The following EDA2R variants were observed in gnomAD, a reference collection of about 807,000 sequenced individuals.
The protein encoded by EDA2R is ectodysplasin A2 receptor.
A neutral mutation model predicts 20.1 loss-of-function variants in EDA2R; 26 were observed. That is an observed-to-expected ratio of 1.30 (90% CI 0.95 to 1.80). The LOEUF is 1.80. Among genes scored for constraint, EDA2R ranks in the 40% most tolerant of loss-of-function variants. EDA2R has a pLI of 0.00. For synonymous variants in EDA2R, 114 were observed against 88.7 expected (o/e 1.29, Z -1.60); for missense variants, 277 against 228.7 (o/e 1.21, Z -1.36).
At chrX:66,625,026 A>T (rs918981279) in intron 1 of EDA2R, among the ~76,000 whole-genome samples, 2 of 111,694 alleles carry the variant, frequency 1.8e-5, no homozygotes, top group Admixed American at 1.9e-4. Flanking sequence ...AAGCCCCGGG[A>T]GTTTGCTGGG....
At chrX:66,617,520 G>A (rs1232644689) in intron 1 of EDA2R, among the ~76,000 whole-genome samples, 1 of 111,632 alleles carries the variant, frequency 9.0e-6, no homozygotes, top group Non-Finnish European at 1.9e-5. Flanking sequence ...CCAGGAAACT[G>A]CTCTGGACAA....
chrX:66,609,670 T>G (rs1288465949), intron 2 of EDA2R, among the ~76,000 whole-genome samples: 1 of 111,901 alleles, frequency 8.9e-6, no homozygotes, highest in Non-Finnish European at 1.9e-5. Flanking sequence ...CGATGTGACC[T>G]TGGGCAAGTC....
chrX:66,635,800 A>C (rs755937440), intron 1 of EDA2R, among the ~76,000 whole-genome samples: 1 of 112,510 alleles, frequency 8.9e-6, no homozygotes, highest in Non-Finnish European at 1.9e-5. Context: ...CCACCTGTAT[A>C]ATATATATAA....
In EDA2R at chrX:66,596,920, C is replaced by T. The variant is rs1302004924; in HGVS notation, c.*1184G>A. On this transcript the variant is annotated 3_prime_UTR_variant, in exon 7 of 7. Transcript: ENST00000374719. ...TACAATGGGACCTTTTTGCTTTTTCCCAAGTCCTTTTAGTAATCTGATCAA... is the reference window on the plus strand; with the variant it reads ...TACAATGGGACCTTTTTGCTTTTTCTCAAGTCCTTTTAGTAATCTGATCAA... The T allele has an allele frequency of 8.9e-6, 1 of 112,257 alleles. No individual in the cohort carries two copies. The highest frequency in any genetic ancestry group is 3.2e-5 in the African/African-American group (1 of 30,909). 9.3% of individuals were successfully genotyped at this position (112,257 alleles called of 1,213,427 possible).
At chrX:66,638,092 T>C (rs1934520582) in intron 1 of EDA2R, among the ~76,000 whole-genome samples, 1 of 112,456 alleles carries the variant, frequency 8.9e-6, no homozygotes, top group South Asian at 3.7e-4. Context: ...TCTTGTGTTA[T>C]ATTAATATTT....
chrX:66,617,253 C>T (rs931481103), intron 1 of EDA2R, among the ~76,000 whole-genome samples: 2 of 112,131 alleles, frequency 1.8e-5, no homozygotes, highest in South Asian at 3.7e-4. Context: ...AATGGCATTC[C>T]ATAAGTGCAC....
chrX:66,621,084 C>T (rs951020509), intron 1 of EDA2R, among the ~76,000 whole-genome samples: 1 of 110,497 alleles, frequency 9.1e-6, no homozygotes, highest in Middle Eastern at 4.2e-3. Flanking sequence ...CAAGACTAGC[C>T]TGGCCAATAT....
intron 2 of EDA2R, among the ~76,000 whole-genome samples, chrX:66,610,270 CAA>C (rs1491360021): frequency 2.0e-4 from 16 of 80,649 alleles, no homozygotes; most frequent in African/African-American, 7.1e-4. Context: ...ACCAGATACA[CAA>C]ACACACACAC....
chrX:66,631,378 T>C (rs1358754862), intron 1 of EDA2R, among the ~76,000 whole-genome samples: 1 of 110,888 alleles, frequency 9.0e-6, no homozygotes, highest in Non-Finnish European at 1.9e-5. Flanking sequence ...AATTAATAGA[T>C]TAAAAAATAC....
intron 1 of EDA2R, among the ~76,000 whole-genome samples, chrX:66,617,782 G>A (rs920040798): frequency 5.4e-5 from 6 of 110,549 alleles, no homozygotes; most frequent in Non-Finnish European, 7.6e-5. Context: ...AGGCAAGGCA[G>A]GCTTGGTGCC....
At chrX:66,630,852 A>AC (rs758748441) in intron 1 of EDA2R, among the ~76,000 whole-genome samples, 42 of 72,538 alleles carry the variant, frequency 5.8e-4, no homozygotes, top group African/African-American at 1.3e-3. Context: ...CACACACACA[A>AC]ACACACGTAT....
intron 1 of EDA2R, among the ~76,000 whole-genome samples, chrX:66,638,779 C>G (rs1340074455): frequency 9.0e-6 from 1 of 111,222 alleles, no homozygotes; most frequent in African/African-American, 3.3e-5. Flanking sequence ...AATGGCTCGC[C>G]AAGATCCTAG....
At chrX:66,600,136 A>G (rs1382496052) in intron 5 of EDA2R, 24 of 1,024,386 alleles carry the variant, frequency 2.3e-5, no homozygotes, top group Non-Finnish European at 3.2e-5. Context: ...GGATTTTGAT[A>G]CCATCTCCCT....
At chrX:66,606,361 C>G (rs975692835) in intron 2 of EDA2R, among the ~76,000 whole-genome samples, 1 of 111,854 alleles carries the variant, frequency 8.9e-6, no homozygotes, top group Non-Finnish European at 1.9e-5. Flanking sequence ...ATATTGTTTG[C>G]CATTCCCAGG....
intron 1 of EDA2R, among the ~76,000 whole-genome samples, chrX:66,623,013 T>G (rs756180857): frequency 9.1e-4 from 102 of 112,198 alleles, no homozygotes; most frequent in African/African-American, 3.3e-3. Context: ...TTGGTTTGGC[T>G]AATCTCTTAG....
intron 4 of EDA2R, among the ~76,000 whole-genome samples, chrX:66,603,154 T>C (rs958465519): frequency 5.4e-5 from 6 of 111,594 alleles, no homozygotes; most frequent in Non-Finnish European, 9.4e-5. Context: ...TCTTACATTA[T>C]TATACAGCAC....
chrX:66,617,428 T>C (rs1388508042), intron 1 of EDA2R, among the ~76,000 whole-genome samples: 1 of 111,841 alleles, frequency 8.9e-6, no homozygotes, highest in East Asian at 2.8e-4. Context: ...CCCCTTGCCA[T>C]GCACTCTTCT....
rs1005526523 is a variant in EDA2R, at chrX:66,599,469, C to T, written c.*10+5G>A. The T allele has an allele frequency of 1.8e-6, 2 of 1,126,684 alleles. No individual in the cohort carries two copies. The highest frequency in any genetic ancestry group is 1.8e-5 in the African/African-American group (1 of 54,175). The allele number at this position is 1,126,684 out of a possible 1,213,427, so 92.9% of individuals were successfully genotyped here. A position where few individuals can be genotyped will look rare whatever the true frequency, so the allele number is the denominator to read the frequency against. On this transcript the variant is annotated splice_donor_5th_base_variant and intron_variant, in intron 6 of 6. Transcript: ENST00000374719. ...GTTTTTTTCTGATCCACCTTTCCAGCTCACCTCATTAGAGTTAAGGGCTGG... is the reference window on the plus strand; with the variant it reads ...GTTTTTTTCTGATCCACCTTTCCAGTTCACCTCATTAGAGTTAAGGGCTGG...
intron 1 of EDA2R, among the ~76,000 whole-genome samples, chrX:66,617,101 T>C (rs966344279): frequency 2.7e-5 from 3 of 111,852 alleles, no homozygotes; most frequent in African/African-American, 9.8e-5. Context: ...CATACTAGGG[T>C]GAATTTCAAG....
Sources: gnomAD v4.1 joint callset for allele counts (sites outside exome capture counted in the v4.1 genomes callset) on GRCh38, gnomAD v4.1.1 for gene constraint, MANE v1.5 for transcripts, NCBI Gene and HGNC (gene_info 2026-07-23, HGNC 2026-07-21) for gene names.